The following RCOR1 variants were observed in gnomAD, a reference collection of about 807,000 sequenced individuals.
The protein encoded by RCOR1 is REST corepressor 1.
In RCOR1, 12 loss-of-function variants were observed where a neutral mutation model predicts 64.0. That is an observed-to-expected ratio of 0.19 (90% confidence interval 0.12 to 0.30). The LOEUF (loss-of-function observed/expected upper bound fraction) is 0.30. Among genes scored for constraint, RCOR1 ranks in the 10% least tolerant of loss-of-function variants. The pLI is 1.00. For synonymous variants in RCOR1, 279 were observed against 227.2 expected, an observed-to-expected ratio of 1.23 and a Z score of -2.05; for missense variants, 502 against 621.2, an observed-to-expected ratio of 0.81 and a Z score of 2.04.
intron 2 of RCOR1, among the ~76,000 whole-genome samples, chr14:102,639,511 T>G (rs1436603023): frequency 7.7e-6 from 1 of 129,480 alleles, no homozygotes; most frequent in Non-Finnish European, 1.7e-5. Flanking sequence ...ATTTATTTAT[T>G]TATTTATTTA....
At chr14:102,707,734 C>A (rs887530966) in intron 5 of RCOR1, among the ~76,000 whole-genome samples, 1 of 142,330 alleles carries the variant, frequency 7.0e-6, no homozygotes, top group Non-Finnish European at 1.5e-5. Context: ...TGTGACTGGA[C>A]CCTCCCCACC....
intron 4 of RCOR1, among the ~76,000 whole-genome samples, chr14:102,703,160 T>C (rs1482099380): frequency 6.6e-6 from 1 of 152,136 alleles, no homozygotes; most frequent in African/African-American, 2.4e-5. Flanking sequence ...GGAAATGATT[T>C]GAGTCTGAGC....
chr14:102,663,382 T>C (rs1889355022), intron 2 of RCOR1, among the ~76,000 whole-genome samples: 1 of 152,248 alleles, frequency 6.6e-6, no homozygotes, highest in Admixed American at 6.5e-5. Flanking sequence ...CCTTCTAACA[T>C]CCTGTTTTGC....
intron 2 of RCOR1, among the ~76,000 whole-genome samples, chr14:102,609,038 T>A (rs1455962832): frequency 2.0e-5 from 3 of 150,632 alleles, no homozygotes; most frequent in African/African-American, 7.3e-5. Flanking sequence ...TTTTTTTTTT[T>A]TTTTTTTTTT....
intron 2 of RCOR1, among the ~76,000 whole-genome samples, chr14:102,666,842 G>A (rs1894923465): frequency 6.6e-6 from 1 of 152,102 alleles, no homozygotes; most frequent in Non-Finnish European, 1.5e-5. Context: ...GTGTTGCCTG[G>A]CGGAGTACTT....
At chr14:102,636,370 T>C (rs994961799) in intron 2 of RCOR1, among the ~76,000 whole-genome samples, 2 of 151,658 alleles carry the variant, frequency 1.3e-5, no homozygotes, top group African/African-American at 4.8e-5. Context: ...CTCTGCCTCC[T>C]GGGTTCAAGC....
intron 3 of RCOR1, among the ~76,000 whole-genome samples, chr14:102,684,121 C>T (rs920380393): frequency 2.6e-5 from 4 of 152,196 alleles, no homozygotes; most frequent in African/African-American, 7.2e-5. Context: ...GAATCCAACT[C>T]GCACGGGAGG....
At chr14:102,620,816 G>T (rs1234422141) in intron 2 of RCOR1, among the ~76,000 whole-genome samples, 1 of 151,926 alleles carries the variant, frequency 6.6e-6, no homozygotes, top group Non-Finnish European at 1.5e-5. Context: ...CCTCACCGTG[G>T]TCCCCTCCTT....
intron 8 of RCOR1, among the ~76,000 whole-genome samples, chr14:102,717,901 T>C (rs1199967995): frequency 1.3e-5 from 2 of 152,062 alleles, no homozygotes; most frequent in Non-Finnish European, 2.9e-5. Context: ...CACAGCCTTT[T>C]AGCGCCACAG....
intron 2 of RCOR1, among the ~76,000 whole-genome samples, chr14:102,629,121 C>G (rs537101794): frequency 6.6e-6 from 1 of 152,228 alleles, no homozygotes; most frequent in East Asian, 1.9e-4. Context: ...GTGTTGGGGG[C>G]TTTGCACTCA....
At chr14:102,677,302 A>C (rs1336502554) in intron 2 of RCOR1, among the ~76,000 whole-genome samples, 16 of 50,812 alleles carry the variant, frequency 3.1e-4, no homozygotes, top group Admixed American at 1.1e-3. Flanking sequence ...GGAGCCCCTC[A>C]CCTCCCGGAC....
In RCOR1 at chr14:102,727,281, A is replaced by ACCCCCCCCCCCC. The variant is rs11380772; in HGVS notation, c.*783_*784insCCCCCCCCCCCC. On this transcript the variant is annotated 3_prime_UTR_variant, in exon 12 of 12. Transcript: ENST00000262241. ...GTGGTTGCCACCCCATCTTTTCCTG[A>ACCCCCCCCCCCC]CCCCCCCCACCCCCCCACCTCCAAG... 1.9e-4 allele frequency: 23 copies of ACCCCCCCCCCCC among 118,258 alleles called. No individual in the cohort carries two copies. The highest frequency in any genetic ancestry group is 3.5e-4 in the South Asian group (1 of 2,858). The allele number at this position is 118,258 out of a possible 1,614,324, so 7.3% of individuals were successfully genotyped here. A position where few individuals can be genotyped will look rare whatever the true frequency, so the allele number is the denominator to read the frequency against.
At chr14:102,600,227 A>G (rs1366718906) in intron 2 of RCOR1, among the ~76,000 whole-genome samples, 1 of 150,292 alleles carries the variant, frequency 6.7e-6, no homozygotes, top group African/African-American at 2.5e-5. Context: ...AGCTGGGATT[A>G]CAGGCGCCCA....
At position 102,726,746 on chromosome 14, in the gene RCOR1, T is replaced by C; in HGVS notation, c.*240T>C. 2.0e-6 allele frequency: 1 copy of C among 509,882 alleles called. No homozygotes were observed. Among genetic ancestry groups the C allele is most frequent in the Middle Eastern group, 4.9e-4 (1 of 2,038 alleles). The allele number at this position is 509,882 out of a possible 1,614,324, so 31.6% of individuals were successfully genotyped here. ...ACACTCTGCCCACGTGCTGGGGAAG[T>C]CTCACGGCCTGCACATCTCTTGTGA... On this transcript the variant is annotated 3_prime_UTR_variant, in exon 12 of 12. Coordinates refer to ENST00000262241, the MANE Select transcript of RCOR1 (RefSeq NM_015156.4).
intron 2 of RCOR1, among the ~76,000 whole-genome samples, chr14:102,637,222 G>A (rs540552641): frequency 3.2e-4 from 48 of 150,912 alleles, no homozygotes; most frequent in African/African-American, 1.1e-3. Flanking sequence ...CGCCTCCTGT[G>A]TTCAAGCGAT....
Position 102,649,604 on chromosome 14 carries a change from G to A in RCOR1, c.362-32291G>A, listed in dbSNP as rs1325556255. 6.3e-5 allele frequency: 10 copies of A among 157,866 alleles called. No homozygotes were observed. The Admixed American group carries it at 6.6e-4, about 10-fold the overall frequency. The allele number at this position is 157,866 out of a possible 1,614,324, so 9.8% of individuals were successfully genotyped here. Reference sequence around the variant, plus strand: ...GGTTTCAGAGGCAGCGTTTTCTAGCGGTGGTGTCCACTATGCACTGCCAAG... The same window carrying A: ...GGTTTCAGAGGCAGCGTTTTCTAGCAGTGGTGTCCACTATGCACTGCCAAG... On this transcript the variant is annotated intron_variant, in intron 2 of 11. Transcript: ENST00000262241.
At chr14:102,606,000 A>G (rs1893499355) in intron 2 of RCOR1, among the ~76,000 whole-genome samples, 1 of 152,084 alleles carries the variant, frequency 6.6e-6, no homozygotes, top group Non-Finnish European at 1.5e-5. Flanking sequence ...ATCTCGGCTC[A>G]CTGCAACCTC....
chr14:102,627,320 TATCATTC>T (rs1300744588), intron 2 of RCOR1, among the ~76,000 whole-genome samples: 1 of 152,208 alleles, frequency 6.6e-6, no homozygotes, highest in Non-Finnish European at 1.5e-5. Context: ...ATCTCTGTTG[TATCATTC>T]TTATCAGCGT....
At position 102,728,214 on chromosome 14, in the gene RCOR1, G is replaced by A. The variant is rs1334552871; in HGVS notation, c.*1708G>A. ...TCTGGAGAGAAAGGTCATTCAAAAG[G>A]AAAGTACAATGGGACTTGCTGCCCT... On this transcript the variant is annotated 3_prime_UTR_variant, in exon 12 of 12. Transcript: ENST00000262241. 1 of 152,102 alleles carries A rather than the reference G, an allele frequency of 6.6e-6. No homozygotes were observed. The highest frequency in any genetic ancestry group is 1.9e-4 in the East Asian group (1 of 5,194). The allele number at this position is 152,102 out of a possible 1,614,324, so 9.4% of individuals were successfully genotyped here. A position where few individuals can be genotyped will look rare whatever the true frequency, so the allele number is the denominator to read the frequency against.
Sources: allele counts gnomAD v4.1 joint callset (sites outside exome capture counted in the v4.1 genomes callset), GRCh38; gene constraint gnomAD v4.1.1; transcripts MANE v1.5; gene names NCBI Gene and HGNC (gene_info 2026-07-23, HGNC 2026-07-21).